SAMMSON: variants seen among roughly 807,000 people sequenced by gnomAD.
The protein encoded by SAMMSON is survival associated mitochondrial melanoma specific oncogenic non-coding RNA.
At chr3:70,200,910 A>T (rs1302274514) in intron 4 of SAMMSON, among the ~76,000 whole-genome samples, 1 of 136,392 alleles carries the variant, frequency 7.3e-6, no homozygotes, top group Non-Finnish European at 1.5e-5. Context: ...TCCCACTGTT[A>T]TATGTGTCAA....
intron 3 of SAMMSON, among the ~76,000 whole-genome samples, chr3:70,064,137 A>C (rs2067200942): frequency 6.6e-6 from 1 of 152,126 alleles, no homozygotes; most frequent in African/African-American, 2.4e-5. Context: ...GCTTTCCACA[A>C]ATATCTGTGG....
chr3:70,360,490 G>A (rs1702863477), intron 9 of SAMMSON, among the ~76,000 whole-genome samples: 2 of 152,278 alleles, frequency 1.3e-5, no homozygotes, highest in South Asian at 4.1e-4. Context: ...AAAGTAACGA[G>A]ATTATAGAAA....
At chr3:70,282,954 G>A (rs1702103867) in intron 6 of SAMMSON, among the ~76,000 whole-genome samples, 1 of 152,166 alleles carries the variant, frequency 6.6e-6, no homozygotes, top group Non-Finnish European at 1.5e-5. Flanking sequence ...TAACCATTGA[G>A]TGTCCAGGCA....
chr3:70,134,234 TA>T (rs1677570927), intron 4 of SAMMSON, among the ~76,000 whole-genome samples: 1 of 149,956 alleles, frequency 6.7e-6, no homozygotes, highest in African/African-American at 2.5e-5. Flanking sequence ...CACTCCAGTC[TA>T]GGTGACAGGA....
intron 7 of SAMMSON, among the ~76,000 whole-genome samples, chr3:70,324,429 G>A (rs1294443644): frequency 4.1e-5 from 6 of 147,738 alleles, no homozygotes; most frequent in African/African-American, 1.5e-4. Context: ...CTAGTCATAG[G>A]TGAGAAATTT....
At chr3:70,238,372 G>T (rs1365827640) in intron 4 of SAMMSON, among the ~76,000 whole-genome samples, 1 of 152,020 alleles carries the variant, frequency 6.6e-6, no homozygotes, top group East Asian at 1.9e-4. Context: ...TTTTGGGGAG[G>T]CTGAGGCAAG....
chr3:70,313,912 A>G (rs1454882520), intron 7 of SAMMSON, among the ~76,000 whole-genome samples: 1 of 152,120 alleles, frequency 6.6e-6, no homozygotes, highest in Non-Finnish European at 1.5e-5. Flanking sequence ...GGGCCCACAA[A>G]GTTTTAAGAT....
At chr3:70,358,607 A>G (rs1702846975) in intron 9 of SAMMSON, among the ~76,000 whole-genome samples, 1 of 152,200 alleles carries the variant, frequency 6.6e-6, no homozygotes, top group Non-Finnish European at 1.5e-5. Context: ...TAGTCATGTT[A>G]GAAATGAGCA....
At chr3:70,337,163 A>C (rs949940505) in intron 7 of SAMMSON, among the ~76,000 whole-genome samples, 1 of 57,174 alleles carries the variant, frequency 1.7e-5, no homozygotes, top group Non-Finnish European at 4.3e-5. Flanking sequence ...AATAATATCT[A>C]ACTTAATATA....
At chr3:70,090,538 C>A (rs1451168378) in intron 4 of SAMMSON, among the ~76,000 whole-genome samples, 1 of 152,162 alleles carries the variant, frequency 6.6e-6, no homozygotes, top group Non-Finnish European at 1.5e-5. Context: ...AACCTCAACC[C>A]ATGTTGTGTC....
intron 6 of SAMMSON, among the ~76,000 whole-genome samples, chr3:70,280,276 G>A (rs539210333): frequency 1.7e-4 from 26 of 152,144 alleles, no homozygotes; most frequent in African/African-American, 5.8e-4. Flanking sequence ...TGCCACTCAT[G>A]TGATCCATGT....
chr3:70,071,287 A>G lies in SAMMSON; in HGVS notation n.418-189A>G, dbSNP rs7621139. On this transcript the variant is annotated intron_variant and non_coding_transcript_variant, in intron 3 of 9. Transcript: ENST00000642114. ...TTACAAAATCTTCAGTTATGCGTAG[A>G]TGCACACATTAGAGAGGAAATTGGG... Among the ~76,000 whole-genome samples the G allele has an allele frequency of 7.2e-3, 1,017 of 141,894 alleles. 11 individuals carry two copies. The highest frequency in any genetic ancestry group is 0.022 in the African/African-American group (908 of 40,798). 93.1% of individuals were successfully genotyped at this position (141,894 alleles called of 152,430 possible).
chr3:70,093,726 G>A (rs139148885), intron 4 of SAMMSON, among the ~76,000 whole-genome samples: 1 of 152,256 alleles, frequency 6.6e-6, no homozygotes, highest in Non-Finnish European at 1.5e-5. Context: ...GCACGGTGGA[G>A]TGGGCAGATC....
At chr3:70,090,853 A>C (rs1321269306) in intron 4 of SAMMSON, among the ~76,000 whole-genome samples, 3 of 152,164 alleles carry the variant, frequency 2.0e-5, no homozygotes, top group African/African-American at 7.2e-5. Flanking sequence ...GGAATACTAA[A>C]GCTGCCTGAA....
chr3:70,375,301 C>A (rs564779363), intron 9 of SAMMSON, among the ~76,000 whole-genome samples: 3 of 151,924 alleles, frequency 2.0e-5, no homozygotes, highest in African/African-American at 7.3e-5. Flanking sequence ...AGCTTCATCA[C>A]GTTTTTCAAA....
chr3:70,061,991 C>T (rs533020039), intron 3 of SAMMSON, among the ~76,000 whole-genome samples: 32 of 152,264 alleles, frequency 2.1e-4, no homozygotes, highest in Admixed American at 1.1e-3. Flanking sequence ...CCCATTCGTT[C>T]TCTGCAGTAT....
At chr3:70,151,105 T>TGAAG (rs1553642231) in intron 4 of SAMMSON, among the ~76,000 whole-genome samples, 1 of 151,950 alleles carries the variant, frequency 6.6e-6, no homozygotes. Context: ...GAGAATTTAA[T>TGAAG]GGAACTGGTT....
intron 4 of SAMMSON, among the ~76,000 whole-genome samples, chr3:70,184,602 C>T (rs1321898255): frequency 6.6e-6 from 1 of 152,032 alleles, no homozygotes; most frequent in Non-Finnish European, 1.5e-5. Flanking sequence ...CACATAATTC[C>T]TAAAGATTGA....
chr3:70,345,761 G>GT (rs35590090), intron 7 of SAMMSON, among the ~76,000 whole-genome samples: 92,306 of 151,640 alleles, frequency 0.61, 28,511 homozygotes, highest in Admixed American at 0.67. Flanking sequence ...TTTTCAGACT[G>GT]TTTTTTTTAA....
Sources: allele counts gnomAD v4.1 joint callset (sites outside exome capture counted in the v4.1 genomes callset), GRCh38; gene constraint gnomAD v4.1.1; transcripts MANE v1.5; gene names NCBI Gene and HGNC (gene_info 2026-07-23, HGNC 2026-07-21).